CERT1: variants seen among roughly 807,000 people sequenced by gnomAD.
CERT1 encodes the protein ceramide transporter 1, also known as ceramide transfer protein.
CERT1 carries 31 observed loss-of-function variants against 87.9 expected under a neutral mutation model. The observed-to-expected ratio is 0.35, with a 90% CI of 0.27 to 0.48. CERT1 has a LOEUF of 0.48. Among genes scored for constraint, CERT1 ranks in the 20% least tolerant of loss-of-function variants. CERT1 has a pLI of 0.99. For missense variants in CERT1, 487 were observed against 758.0 expected (o/e 0.64, Z 4.20); for synonymous variants, 289 against 250.9 (o/e 1.15, Z -1.44).
chr5:75,484,512 C>T (rs187247253), intron 2 of CERT1, among the ~76,000 whole-genome samples: 179 of 144,810 alleles, frequency 1.2e-3, no homozygotes, highest in Non-Finnish European at 2.3e-3. Flanking sequence ...AAGAAATACA[C>T]GTCATCTATA....
chr5:75,404,291 T>TAAAAAAA (rs11349407), intron 8 of CERT1, among the ~76,000 whole-genome samples: 13 of 84,056 alleles, frequency 1.5e-4, no homozygotes, highest in South Asian at 7.7e-4. Flanking sequence ...ACCTACTTCA[T>TAAAAAAA]AAAAAAAAAA....
intron 2 of CERT1, among the ~76,000 whole-genome samples, chr5:75,469,164 T>C (rs1328093166): frequency 6.6e-6 from 1 of 151,648 alleles, no homozygotes; most frequent in East Asian, 1.9e-4. Flanking sequence ...AAAAATACAA[T>C]GAATAAAATG....
chr5:75,448,732 C>T (rs1418017761), intron 3 of CERT1, among the ~76,000 whole-genome samples: 4 of 152,120 alleles, frequency 2.6e-5, no homozygotes, highest in East Asian at 1.9e-4. Flanking sequence ...CAGAAATCTT[C>T]CCTCTTCATT....
intron 2 of CERT1, among the ~76,000 whole-genome samples, chr5:75,497,877 G>A (rs1173408900): frequency 6.6e-6 from 1 of 152,184 alleles, no homozygotes; most frequent in Admixed American, 6.5e-5. Flanking sequence ...TTGGGTAACA[G>A]GCAGAGGCTG....
At chr5:75,491,546 T>C (rs1401844234) in intron 2 of CERT1, among the ~76,000 whole-genome samples, 1 of 152,172 alleles carries the variant, frequency 6.6e-6, no homozygotes, top group Admixed American at 6.5e-5. Flanking sequence ...TTTCCGGTGG[T>C]TCTTCCAGCT....
At chr5:75,435,574 C>T (rs895346864) in intron 3 of CERT1, among the ~76,000 whole-genome samples, 1 of 152,136 alleles carries the variant, frequency 6.6e-6, no homozygotes, top group Non-Finnish European at 1.5e-5. Flanking sequence ...ATCTTTGAAG[C>T]TGCTGTCTTT....
chr5:75,475,452 C>T (rs568175446), intron 2 of CERT1, among the ~76,000 whole-genome samples: 1 of 152,080 alleles, frequency 6.6e-6, no homozygotes, highest in Non-Finnish European at 1.5e-5. Flanking sequence ...ACTTTAATAC[C>T]TACATATTTT....
At chr5:75,462,246 G>A (rs1765263095) in intron 2 of CERT1, among the ~76,000 whole-genome samples, 2 of 152,178 alleles carry the variant, frequency 1.3e-5, no homozygotes, top group Admixed American at 1.3e-4. Context: ...ATCTAAGGCA[G>A]CAGTCCACAA....
At chr5:75,410,509 C>A (rs984760068) in intron 8 of CERT1, among the ~76,000 whole-genome samples, 1 of 151,294 alleles carries the variant, frequency 6.6e-6, no homozygotes, top group African/African-American at 2.4e-5. Context: ...ACTAGGGCAG[C>A]TGAGGCAGGA....
intron 3 of CERT1, among the ~76,000 whole-genome samples, chr5:75,445,685 G>C (rs900861631): frequency 1.3e-5 from 2 of 152,084 alleles, no homozygotes; most frequent in Admixed American, 6.5e-5. Context: ...ACTGAGATGA[G>C]GTCTTGCGAT....
chr5:75,442,033 C>T (rs1764343094), intron 3 of CERT1, among the ~76,000 whole-genome samples: 1 of 152,136 alleles, frequency 6.6e-6, no homozygotes, highest in Admixed American at 6.5e-5. Context: ...CACAAGGGTT[C>T]CAATTTCTTC....
At chr5:75,392,442 A>T (rs143298017) in intron 11 of CERT1, among the ~76,000 whole-genome samples, 3,217 of 152,352 alleles carry the variant, frequency 0.021, 39 homozygotes, top group Non-Finnish European at 0.03. Flanking sequence ...CAAAACTTTC[A>T]TCATGGAATC....
intron 14 of CERT1, among the ~76,000 whole-genome samples, chr5:75,384,190 G>T (rs1761696677): frequency 6.6e-6 from 1 of 152,090 alleles, no homozygotes; most frequent in Non-Finnish European, 1.5e-5. Context: ...TACTAGAAAG[G>T]TATTTAAATG....
At chr5:75,433,183 T>A (rs976830768) in intron 3 of CERT1, among the ~76,000 whole-genome samples, 1 of 152,232 alleles carries the variant, frequency 6.6e-6, no homozygotes, top group African/African-American at 2.4e-5. Context: ...GGGACCTTTA[T>A]TGGTACCATA....
chr5:75,510,771 C>G (rs1209862173), intron 1 of CERT1, among the ~76,000 whole-genome samples: 1 of 152,154 alleles, frequency 6.6e-6, no homozygotes, highest in African/African-American at 2.4e-5. Context: ...TTGAACCGCT[C>G]CCATGCCCAG....
intron 2 of CERT1, among the ~76,000 whole-genome samples, chr5:75,498,997 A>G (rs1285864254): frequency 6.6e-6 from 1 of 152,240 alleles, no homozygotes; most frequent in Non-Finnish European, 1.5e-5. Context: ...CACCTCTTGC[A>G]TAAGAGTGAC....
chr5:75,409,225 T>C (rs1762833323), intron 8 of CERT1, among the ~76,000 whole-genome samples: 1 of 152,140 alleles, frequency 6.6e-6, no homozygotes, highest in African/African-American at 2.4e-5. Context: ...ATACCTCATA[T>C]TAAAACCTCA....
intron 2 of CERT1, among the ~76,000 whole-genome samples, chr5:75,466,058 A>G (rs1765441130): frequency 6.6e-6 from 1 of 152,134 alleles, no homozygotes; most frequent in Non-Finnish European, 1.5e-5. Context: ...GATGATAAGA[A>G]TGCCACTTAA....
At chr5:75,392,707 C>A (rs555603469) in intron 11 of CERT1, among the ~76,000 whole-genome samples, 1 of 152,046 alleles carries the variant, frequency 6.6e-6, no homozygotes, top group Non-Finnish European at 1.5e-5. Flanking sequence ...CGGTGGCTCA[C>A]GCCTGTAATC....
Sources: allele counts gnomAD v4.1 joint callset (sites outside exome capture counted in the v4.1 genomes callset), GRCh38; gene constraint gnomAD v4.1.1; transcripts MANE v1.5; gene names NCBI Gene and HGNC (gene_info 2026-07-23, HGNC 2026-07-21).